SEM1: variants seen among roughly 807,000 people sequenced by gnomAD.
SEM1 encodes the protein 26S proteasome complex subunit SEM1.
SEM1 carries 3 observed loss-of-function variants against 12.7 expected under a neutral mutation model. That is an observed-to-expected ratio of 0.24 (90% CI 0.11 to 0.61). The LOEUF (loss-of-function observed/expected upper bound fraction) is 0.61. SEM1 is among the 20% of genes least tolerant of loss of function. The pLI is 0.88. For missense variants in SEM1, 59 were observed against 81.3 expected, an observed-to-expected ratio of 0.73 and a Z score of 1.06; for synonymous variants, 30 against 27.8, an observed-to-expected ratio of 1.08 and a Z score of -0.25.
In SEM1 at chr7:96,589,098, G is replaced by C. The variant is rs562588074; in HGVS notation, c.171-82400C>G. ...TTGCCTGCCTGAAGGCTGCACCCAG[G>C]TGTGGGAACCGCACTGCTTAGGGCT... On this transcript the variant is annotated intron_variant and NMD_transcript_variant, in intron 2 of 3. Coordinates refer to the SEM1 transcript ENST00000466986. Among the ~76,000 whole-genome samples the C allele has an allele frequency of 9.8e-5, 15 of 152,348 alleles. No individual in the cohort carries two copies. In the East Asian group the frequency reaches 2.3e-3, roughly 24 times the overall value.
chr7:96,573,874 G>A (rs913454949), intron 2 of SEM1, among the ~76,000 whole-genome samples: 7 of 151,830 alleles, frequency 4.6e-5, no homozygotes, highest in African/African-American at 9.7e-5. Context: ...CATTCTCCCC[G>A]TCACTTTCAA....
intron 2 of SEM1, among the ~76,000 whole-genome samples, chr7:96,575,719 CG>C (rs1281408253): frequency 6.6e-6 from 1 of 152,180 alleles, no homozygotes; most frequent in African/African-American, 2.4e-5. Context: ...TGTGGCGCTG[CG>C]GTGGGCTCTG....
At chr7:96,597,040 G>T (rs1043227190) in intron 2 of SEM1, among the ~76,000 whole-genome samples, 1 of 152,060 alleles carries the variant, frequency 6.6e-6, no homozygotes, top group African/African-American at 2.4e-5. Context: ...GTGTTTTGAG[G>T]GGAAACTAAC....
chr7:96,530,775 C>T (rs887932508), intron 2 of SEM1, among the ~76,000 whole-genome samples: 4 of 151,956 alleles, frequency 2.6e-5, no homozygotes, highest in African/African-American at 9.7e-5. Context: ...GGAGTGGATT[C>T]AAAACATCTG....
intron 2 of SEM1, among the ~76,000 whole-genome samples, chr7:96,651,783 G>A (rs568986825): frequency 6.6e-6 from 1 of 152,290 alleles, no homozygotes; most frequent in East Asian, 1.9e-4. Flanking sequence ...ATGTTGGCCA[G>A]GCTGGTCTCG....
chr7:96,568,891 A>G (rs1360594307), intron 2 of SEM1, among the ~76,000 whole-genome samples: 2 of 151,932 alleles, frequency 1.3e-5, no homozygotes, highest in Non-Finnish European at 2.9e-5. Context: ...TCTGATCAGA[A>G]TTTTTAGCAA....
chr7:96,529,403 T>C (rs1385387666), intron 2 of SEM1, among the ~76,000 whole-genome samples: 1 of 152,164 alleles, frequency 6.6e-6, no homozygotes, highest in Non-Finnish European at 1.5e-5. Context: ...AATAACACCA[T>C]TGTGTATTTA....
intron 2 of SEM1, among the ~76,000 whole-genome samples, chr7:96,682,464 G>A (rs777650610): frequency 1.1e-4 from 17 of 152,002 alleles, no homozygotes; most frequent in African/African-American, 3.6e-4. Flanking sequence ...GTCTTGTACC[G>A]GTTTTCAAAG....
intron 2 of SEM1, among the ~76,000 whole-genome samples, chr7:96,638,904 A>G (rs976232056): frequency 3.3e-5 from 5 of 151,930 alleles, no homozygotes; most frequent in South Asian, 2.1e-4. Flanking sequence ...GCCCTTACCA[A>G]TTGTGTGACT....
intron 2 of SEM1, among the ~76,000 whole-genome samples, chr7:96,632,162 T>C (rs2116341375): frequency 6.6e-6 from 1 of 152,186 alleles, no homozygotes; most frequent in East Asian, 1.9e-4. Context: ...CTCAAGGATC[T>C]AGAACCAGAA....
intron 2 of SEM1, among the ~76,000 whole-genome samples, chr7:96,691,815 C>T (rs1345095159): frequency 1.3e-5 from 2 of 152,174 alleles, no homozygotes; most frequent in Non-Finnish European, 2.9e-5. Context: ...TGCTTAGTAG[C>T]CAAATGTAAC....
chr7:96,685,115 A>T (rs1256275568), downstream of SEM1, among the ~76,000 whole-genome samples: 2 of 152,146 alleles, frequency 1.3e-5, no homozygotes, highest in African/African-American at 4.8e-5. Flanking sequence ...GTTTAAAAAT[A>T]TACAGTGCAG....
chr7:96,637,587 G>A (rs1050723601), intron 2 of SEM1, among the ~76,000 whole-genome samples: 7 of 151,884 alleles, frequency 4.6e-5, no homozygotes, highest in African/African-American at 1.7e-4. Context: ...TCCATTTAAT[G>A]TTAGGATATT....
chr7:96,582,935 A>G (rs1333729527), intron 2 of SEM1, among the ~76,000 whole-genome samples: 1 of 152,130 alleles, frequency 6.6e-6, no homozygotes, highest in Admixed American at 6.5e-5. Context: ...TCCTGGATTC[A>G]TTAATTTTTT....
chr7:96,495,168 C>A (rs936471610), intron 1 of SEM1, among the ~76,000 whole-genome samples: 1 of 152,142 alleles, frequency 6.6e-6, no homozygotes, highest in Non-Finnish European at 1.5e-5. Flanking sequence ...TAATTAAAGA[C>A]AACCAGAATT....
intron 2 of SEM1, among the ~76,000 whole-genome samples, chr7:96,567,023 A>T (rs1369521317): frequency 6.6e-6 from 1 of 151,608 alleles, no homozygotes; most frequent in Non-Finnish European, 1.5e-5. Flanking sequence ...AGTGTGTTTT[A>T]ATTAATATAG....
intron 2 of SEM1, among the ~76,000 whole-genome samples, chr7:96,677,094 C>G (rs1430911081): frequency 6.6e-6 from 1 of 152,146 alleles, no homozygotes; most frequent in African/African-American, 2.4e-5. Flanking sequence ...AAGCAATCAG[C>G]GAACAAGGTC....
chr7:96,598,609 A>G (rs983859051), intron 2 of SEM1, among the ~76,000 whole-genome samples: 3 of 152,110 alleles, frequency 2.0e-5, no homozygotes, highest in African/African-American at 7.2e-5. Context: ...AGGAGATCAT[A>G]TTGCAGTTTT....
chr7:96,531,658 C>A (rs1804646910), intron 2 of SEM1, among the ~76,000 whole-genome samples: 1 of 149,550 alleles, frequency 6.7e-6, no homozygotes, highest in African/African-American at 2.4e-5. Flanking sequence ...GTCTATCAAT[C>A]TTTGAAAGAA....
Sources: gnomAD v4.1 joint callset for allele counts (sites outside exome capture counted in the v4.1 genomes callset) on GRCh38, gnomAD v4.1.1 for gene constraint, MANE v1.5 for transcripts, NCBI Gene and HGNC (gene_info 2026-07-23, HGNC 2026-07-21) for gene names.